RIMBP2: variants seen among roughly 807,000 people sequenced by gnomAD.
The protein encoded by RIMBP2 is RIMS binding protein 2, also known as RIMS-binding protein 2.
In RIMBP2, 48 loss-of-function variants were observed where a neutral mutation model predicts 118.6. That is an observed-to-expected ratio of 0.40 (90% CI 0.32 to 0.51). The LOEUF (loss-of-function observed/expected upper bound fraction) is 0.51, where lower values mean the gene tolerates loss of function less well. Ranked by LOEUF, RIMBP2 falls within the 20% of genes least tolerant of loss-of-function variation. The pLI is 0.41. For synonymous variants in RIMBP2, 762 were observed against 742.9 expected, an observed-to-expected ratio of 1.03 and a Z score of -0.42; for missense variants, 1,551 against 1,768.3, an observed-to-expected ratio of 0.88 and a Z score of 2.20.
chr12:130,438,334 A>ATGCCCCCCCCCC, intron 12 of RIMBP2, 31 bp downstream of exon 12: 13 of 1,344,508 alleles, frequency 9.7e-6, no homozygotes, highest in Non-Finnish European at 1.3e-5. Context: ...GGGCCTAACA[A>ATGCCCCCCCCCC]ACCCTCCCCA....
chr12:130,499,924 T>G (rs2049579193), intron 4 of RIMBP2, among the ~76,000 whole-genome samples: 1 of 152,206 alleles, frequency 6.6e-6, no homozygotes, highest in African/African-American at 2.4e-5. Flanking sequence ...TCTTTAGGTG[T>G]GGGTTCAATT....
intron 1 of RIMBP2, among the ~76,000 whole-genome samples, chr12:130,713,021 C>CAG (rs1013207219): frequency 4.7e-5 from 7 of 148,792 alleles, no homozygotes; most frequent in African/African-American, 7.5e-5. Flanking sequence ...AGGGGTGAGT[C>CAG]AGAGAGAGAG....
intron 4 of RIMBP2, among the ~76,000 whole-genome samples, chr12:130,499,345 G>T (rs550201905): frequency 6.6e-6 from 1 of 152,100 alleles, no homozygotes; most frequent in Admixed American, 6.5e-5. Flanking sequence ...ACCTCTGTGC[G>T]GTCTCCCTGC....
Position 130,422,473 on chromosome 12 carries a change from G to A in RIMBP2, c.3218C>T (p.Pro1073Leu), listed in dbSNP as rs2076479667. 1 of 1,612,350 alleles carries A rather than the reference G, an allele frequency of 6.2e-7. No homozygotes were observed. The highest frequency in any genetic ancestry group is 8.5e-7 in the Non-Finnish European group (1 of 1,178,706). ...RGSAGPQRSR[P>L]VTVPSIDDYG... ...CTAACCGATGGATGGGACTGTCACG[G>A]GCCGGGACCTCTGAGGACCAGCGCT... The change falls in exon 17 of 23, where the codon CCC becomes CTC. Residue 1073 changes from proline (P) to leucine (L), a missense_variant. Around this residue, in one of 5 missense-constraint regions of RIMBP2, gnomAD observed 1,038 missense variants for 1,125.1 expected, o/e 0.92. Transcript: ENST00000690449. The surrounding 1 kb of genome is among the most constrained non-coding windows in gnomAD (Gnocchi z 5.2).
chr12:130,659,734 A>G (rs4759741), intron 1 of RIMBP2, among the ~76,000 whole-genome samples: 78,660 of 151,386 alleles, frequency 0.52, 21,370 homozygotes, highest in Non-Finnish European at 0.62. Context: ...GCATTTTGGG[A>G]GGCCAAGGTG....
At chr12:130,696,065 C>G (rs756848756) in intron 1 of RIMBP2, among the ~76,000 whole-genome samples, 1 of 152,206 alleles carries the variant, frequency 6.6e-6, no homozygotes, top group Non-Finnish European at 1.5e-5. Flanking sequence ...ACATGGGCAA[C>G]TGATCACCTA....
chr12:130,457,762 A>G lies in RIMBP2; in HGVS notation c.154-1062T>C, dbSNP rs140619194. 7.2e-3 allele frequency among the ~76,000 whole-genome samples: 1,095 copies of G among 152,222 alleles called. 20 individuals carry two copies. The highest frequency in any genetic ancestry group is 0.026 in the African/African-American group (1,064 of 41,528). On this transcript the variant is annotated intron_variant, in intron 6 of 22. Coordinates refer to ENST00000690449, the MANE Select transcript of RIMBP2 (RefSeq NM_001393629.1). ...GACACACCTTCGATACTCTGCATGG[A>G]CTCAGCACCCAGCAGGTGCTCAAAG...
At chr12:130,695,012 G>A (rs527893267) in intron 1 of RIMBP2, among the ~76,000 whole-genome samples, 5 of 152,260 alleles carry the variant, frequency 3.3e-5, no homozygotes, top group South Asian at 2.1e-4. Flanking sequence ...CGTCAGTGTC[G>A]CTCCCATTAT....
intron 3 of RIMBP2, among the ~76,000 whole-genome samples, chr12:130,512,842 G>C (rs188000343): frequency 6.6e-6 from 1 of 152,340 alleles, no homozygotes; most frequent in African/African-American, 2.4e-5. Context: ...ATGAACAACA[G>C]TTCCCTCTTA....
chr12:130,559,449 C>T (rs1232757287), intron 2 of RIMBP2, among the ~76,000 whole-genome samples: 1 of 152,144 alleles, frequency 6.6e-6, no homozygotes, highest in African/African-American at 2.4e-5. Flanking sequence ...TTTCACTTAG[C>T]ATAGTGTCTC....
intron 2 of RIMBP2, among the ~76,000 whole-genome samples, chr12:130,571,506 G>A (rs1156306051): frequency 3.4e-5 from 5 of 146,138 alleles, no homozygotes; most frequent in African/African-American, 5.1e-5. Flanking sequence ...TGCAACCTCC[G>A]CCTCCCAGGT....
intron 4 of RIMBP2, among the ~76,000 whole-genome samples, chr12:130,483,620 C>G (rs2082214187): frequency 6.6e-6 from 1 of 151,090 alleles, no homozygotes; most frequent in South Asian, 2.1e-4. Context: ...GCGGGATACA[C>G]AGTGCCCAGA....
chr12:130,451,491 T>C, intron 7 of RIMBP2, 151 bp from the exon 8 acceptor site: 1 of 871,286 alleles, frequency 1.1e-6, no homozygotes, highest in Non-Finnish European at 1.7e-6. Context: ...GCTCGCCATC[T>C]ATGTAGGCTG....
intron 2 of RIMBP2, among the ~76,000 whole-genome samples, chr12:130,589,143 G>A (rs1431235638): frequency 1.3e-5 from 2 of 152,172 alleles, no homozygotes; most frequent in African/African-American, 4.8e-5. Context: ...GCTATAGTCA[G>A]CAACAACAAT....
intron 4 of RIMBP2, among the ~76,000 whole-genome samples, chr12:130,485,962 TCA>T (rs1347516784): frequency 2.0e-5 from 3 of 152,168 alleles, no homozygotes; most frequent in East Asian, 1.9e-4. Context: ...GAAGACAGCC[TCA>T]GTTTCATCAC....
chr12:130,655,009 T>G (rs1293830009), intron 1 of RIMBP2, among the ~76,000 whole-genome samples: 1 of 152,126 alleles, frequency 6.6e-6, no homozygotes, highest in Non-Finnish European at 1.5e-5. Flanking sequence ...CCCAAACACC[T>G]CCCACCAGGT....
At chr12:130,681,461 A>G (rs1306559198) in intron 1 of RIMBP2, among the ~76,000 whole-genome samples, 1 of 152,066 alleles carries the variant, frequency 6.6e-6, no homozygotes, top group Non-Finnish European at 1.5e-5. Context: ...CAGAATCTCT[A>G]TGCTCATTAA....
intron 2 of RIMBP2, among the ~76,000 whole-genome samples, chr12:130,615,455 C>A (rs1289483232): frequency 6.6e-6 from 1 of 151,688 alleles, no homozygotes; most frequent in Non-Finnish European, 1.5e-5. Context: ...GGATTACAGG[C>A]ACCTGCCACC....
At chr12:130,674,613 G>C (rs1310721062) in intron 1 of RIMBP2, among the ~76,000 whole-genome samples, 1 of 152,170 alleles carries the variant, frequency 6.6e-6, no homozygotes, top group Non-Finnish European at 1.5e-5. Context: ...TTTAAAATTA[G>C]GGTGAAATGC....
Sources: allele counts gnomAD v4.1 joint callset (sites outside exome capture counted in the v4.1 genomes callset), GRCh38; gene constraint gnomAD v4.1.1; regional missense constraint gnomAD v4.1.1; non-coding constraint Gnocchi (gnomAD v3.1); transcripts MANE v1.5; gene names NCBI Gene and HGNC (gene_info 2026-07-23, HGNC 2026-07-21).